The following ENOX1 variants were observed in gnomAD, a reference collection of about 807,000 sequenced individuals.
ENOX1 encodes candidate growth-related and time keeping constitutive hydroquinone (NADH) oxidase.
ENOX1 carries 42 observed loss-of-function variants against 82.5 expected under a neutral mutation model. The ratio of observed to expected loss-of-function variants is 0.51; its 90% CI spans 0.40 to 0.66. The LOEUF is 0.66. ENOX1 is among the 30% of genes least tolerant of loss of function. The pLI is 0.00. For synonymous variants in ENOX1, 271 were observed against 282.2 expected (o/e 0.96, Z 0.40); for missense variants, 608 against 811.6 (o/e 0.75, Z 3.05).
Position 43,299,806 on chromosome 13 carries a change from G to T in ENOX1, c.1262-1276C>A, listed in dbSNP as rs2046472985. ...AACTTCAAACATGTAACTTCCAGTAGATAAGGGCACGGTGTGGAGCCCACT... is the reference window on the plus strand; with the variant it reads ...AACTTCAAACATGTAACTTCCAGTATATAAGGGCACGGTGTGGAGCCCACT... On this transcript the variant is annotated intron_variant, in intron 11 of 16. Transcript: ENST00000690772. 2.0e-5 allele frequency among the ~76,000 whole-genome samples: 3 copies of T among 152,140 alleles called. No homozygotes were observed. In the South Asian group the frequency reaches 6.2e-4, roughly 32 times the overall value.
intron 15 of ENOX1, among the ~76,000 whole-genome samples, chr13:43,228,141 C>T (rs937309686): frequency 2.9e-5 from 4 of 138,658 alleles, no homozygotes; most frequent in African/African-American, 1.1e-4. Flanking sequence ...GGGACATTCC[C>T]TGGGGATGGA....
At chr13:43,705,330 C>CTCTCTATATATATA (rs141765196) in intron 1 of ENOX1, among the ~76,000 whole-genome samples, 8 of 129,864 alleles carry the variant, frequency 6.2e-5, no homozygotes, top group African/African-American at 2.3e-4. Flanking sequence ...CTCTCTCTCT[C>CTCTCTATATATATA]TATATATATA....
intron 1 of ENOX1, among the ~76,000 whole-genome samples, chr13:43,743,441 T>A (rs181442054): frequency 2.6e-5 from 4 of 152,296 alleles, no homozygotes; most frequent in Admixed American, 2.0e-4. Context: ...CAGAAACTCT[T>A]TCAAGCATCT....
intron 2 of ENOX1, among the ~76,000 whole-genome samples, chr13:43,514,518 A>T (rs2077487159): frequency 6.6e-6 from 1 of 152,064 alleles, no homozygotes; most frequent in African/African-American, 2.4e-5. Flanking sequence ...AAACAGCTGG[A>T]AGGGAATGAT....
chr13:43,614,365 G>T (rs559282289), intron 2 of ENOX1, among the ~76,000 whole-genome samples: 8 of 152,154 alleles, frequency 5.3e-5, no homozygotes, highest in Non-Finnish European at 1.2e-4. Flanking sequence ...CTGAACCCTG[G>T]AATGAAGTTA....
At chr13:43,220,023 C>A (rs1027230108) in intron 16 of ENOX1, among the ~76,000 whole-genome samples, 3 of 152,086 alleles carry the variant, frequency 2.0e-5, no homozygotes, top group African/African-American at 7.3e-5. Flanking sequence ...ACACAGACAC[C>A]TCACAACAAA....
intron 1 of ENOX1, among the ~76,000 whole-genome samples, chr13:43,759,770 A>C (rs1194798666): frequency 6.6e-6 from 1 of 152,194 alleles, no homozygotes; most frequent in Non-Finnish European, 1.5e-5. Context: ...TACTGTATTT[A>C]CTTCTTGGAT....
intron 8 of ENOX1, among the ~76,000 whole-genome samples, chr13:43,349,038 G>A (rs1021334489): frequency 4.6e-5 from 7 of 152,210 alleles, no homozygotes; most frequent in Admixed American, 4.6e-4. Flanking sequence ...AAGGTAAGGG[G>A]AGACTACTGT....
chr13:43,776,253 G>A (rs1479473465), intron 1 of ENOX1, among the ~76,000 whole-genome samples: 1 of 152,138 alleles, frequency 6.6e-6, no homozygotes, highest in African/African-American at 2.4e-5. Context: ...GCAAATGAGG[G>A]TTTGAAGGAC....
At chr13:43,528,052 G>C (rs1265634258) in intron 2 of ENOX1, among the ~76,000 whole-genome samples, 1 of 152,062 alleles carries the variant, frequency 6.6e-6, no homozygotes, top group Admixed American at 6.6e-5. Context: ...GTTCAAAATT[G>C]AATGTTTTCA....
chr13:43,367,240 C>A (rs1443434373), intron 5 of ENOX1, among the ~76,000 whole-genome samples: 1 of 152,212 alleles, frequency 6.6e-6, no homozygotes, highest in East Asian at 1.9e-4. Context: ...GACATCTAAA[C>A]CCGTCTGGCA....
intron 3 of ENOX1, among the ~76,000 whole-genome samples, chr13:43,444,035 A>G (rs1444467088): frequency 6.6e-6 from 1 of 152,212 alleles, no homozygotes; most frequent in African/African-American, 2.4e-5. Context: ...TGGTAGCCAC[A>G]GAGAAAGTGA....
intron 9 of ENOX1, among the ~76,000 whole-genome samples, chr13:43,336,992 C>A (rs1427443784): frequency 1.3e-5 from 2 of 152,182 alleles, no homozygotes; most frequent in Non-Finnish European, 2.9e-5. Flanking sequence ...ACAGTTCTAA[C>A]CTTTCCAATC....
At chr13:43,506,854 G>A (rs1040718861) in intron 2 of ENOX1, among the ~76,000 whole-genome samples, 3 of 151,076 alleles carry the variant, frequency 2.0e-5, no homozygotes, top group Non-Finnish European at 4.4e-5. Context: ...GGGGACGGGG[G>A]AGGGATAGCA....
intron 16 of ENOX1, among the ~76,000 whole-genome samples, chr13:43,220,916 A>T (rs1228245274): frequency 6.6e-6 from 1 of 152,190 alleles, no homozygotes; most frequent in Non-Finnish European, 1.5e-5. Context: ...ATAGTCTGGG[A>T]AAGAATGCTA....
At chr13:43,712,421 A>G (rs551047290) in intron 1 of ENOX1, among the ~76,000 whole-genome samples, 11,963 of 152,098 alleles carry the variant, frequency 0.079, 708 homozygotes, top group African/African-American at 0.16. Context: ...TTTTGGTTCC[A>G]TATGAACTTT....
intron 11 of ENOX1, among the ~76,000 whole-genome samples, chr13:43,312,593 G>A (rs1267158547): frequency 6.6e-6 from 1 of 152,158 alleles, no homozygotes; most frequent in African/African-American, 2.4e-5. Flanking sequence ...AGTGTGTATG[G>A]TTACCAAAGG....
intron 2 of ENOX1, among the ~76,000 whole-genome samples, chr13:43,605,593 G>A (rs1156371899): frequency 1.3e-5 from 2 of 152,078 alleles, no homozygotes; most frequent in African/African-American, 2.4e-5. Flanking sequence ...TGGAACAACT[G>A]GATATCCATA....
At chr13:43,505,037 G>A (rs2077104300) in intron 2 of ENOX1, among the ~76,000 whole-genome samples, 1 of 151,624 alleles carries the variant, frequency 6.6e-6, no homozygotes. Context: ...AGATAGTACT[G>A]ACTTTTTTAG....
Sources: gnomAD v4.1 joint callset for allele counts (sites outside exome capture counted in the v4.1 genomes callset) on GRCh38, gnomAD v4.1.1 for gene constraint, MANE v1.5 for transcripts, NCBI Gene and HGNC (gene_info 2026-07-23, HGNC 2026-07-21) for gene names.